ZNF513: variants seen among roughly 807,000 people sequenced by gnomAD.
The protein encoded by ZNF513 is zinc finger protein 513.
Under a neutral mutation model 39.7 loss-of-function variants are expected in ZNF513, and 16 were observed. The ratio of observed to expected loss-of-function variants is 0.40; its 90% CI spans 0.27 to 0.61. The LOEUF is 0.61. Among genes scored for constraint, ZNF513 ranks in the 20% least tolerant of loss-of-function variants. ZNF513 has a pLI of 0.39. For missense variants in ZNF513, 699 were observed against 743.6 expected (o/e 0.94, Z 0.70); for synonymous variants, 348 against 296.5 (o/e 1.17, Z -1.79).
At position 27,378,293 on chromosome 2, in the gene ZNF513, C is replaced by T. The variant is rs61740138; in HGVS notation, c.878G>A (p.Arg293Gln). 1,649 of 1,600,910 alleles carry T rather than the reference C, an allele frequency of 1.0e-3. 18 individuals carry two copies. In the African/African-American group the frequency reaches 0.02, roughly 19 times the overall value. ...ASFLPDCGQL[R>Q]GEGEGLCGTG... is the part of the protein sequence containing the mutation. ...CCCGCAGAGGCCCTCCCCTTCACCC[C>T]GCAGCTGCCCACAGTCTGGCAGGAA... Residue 293 changes from arginine (R) to glutamine (Q), a missense_variant, in exon 4 of 4, where the codon CGG becomes CAG. Physicochemically the swap from Arg to Gln is conservative, Grantham distance 43. Around this residue, in one of 3 missense-constraint regions of ZNF513, gnomAD observed 530 missense variants for 499.3 expected, o/e 1.06. Transcript: ENST00000323703. The surrounding 1 kb of genome is among the most constrained non-coding windows in gnomAD (Gnocchi z 8.0).
Position 27,380,466 on chromosome 2 carries a change from C to A in ZNF513, c.55+6G>T. The A allele has an allele frequency of 6.3e-7, 1 of 1,595,960 alleles. No individual in the cohort carries two copies. Among genetic ancestry groups the A allele is most frequent in the East Asian group, 2.3e-5 (1 of 44,130 alleles). Reference sequence around the variant, plus strand: ...TCCTCTCCCCTCAAGGCCCCTGACCCCTGACCTTTGACCCCCTCGCATTTC... The same window carrying A: ...TCCTCTCCCCTCAAGGCCCCTGACCACTGACCTTTGACCCCCTCGCATTTC... On this transcript the variant is annotated splice_donor_region_variant and intron_variant, in intron 1 of 3. Coordinates refer to ENST00000323703, the MANE Select transcript of ZNF513 (RefSeq NM_144631.6).
Position 27,378,972 on chromosome 2 carries a change from C to G in ZNF513, c.294G>C (p.Glu98Asp), listed in dbSNP as rs765438983. ...CCCTGGCTGGCTCCTCAACTTCACT[C>G]TCCGCACTTAGTGCCCGGCCGCCCC... Reference protein sequence around the residue: ...ESGGGRALSAESEVEEPARGP... With the variant: ...ESGGGRALSADSEVEEPARGP... The change falls in exon 3 of 4, where the codon GAG (glutamate) becomes GAC (aspartate). Residue 98 changes from glutamate (E) to aspartate (D), a missense_variant. Around this residue, in one of 3 missense-constraint regions of ZNF513, gnomAD observed 530 missense variants for 499.3 expected, o/e 1.06. Transcript: ENST00000323703. The surrounding 1 kb of genome is among the most constrained non-coding windows in gnomAD (Gnocchi z 8.0). The G allele has an allele frequency of 6.2e-7, 1 of 1,612,898 alleles. No homozygotes were observed. Among genetic ancestry groups the G allele is most frequent in the Non-Finnish European group, 8.5e-7 (1 of 1,179,840 alleles).
chr2:27,378,044 G>A lies in ZNF513; in HGVS notation c.1127C>T (p.Ala376Val). Reference sequence around the variant, plus strand: ...ACCACTGTGTGTCTTCATGTGCCGGGCCAGGTGGTTGGGATAGTGAGTGGC... The same window carrying A: ...ACCACTGTGTGTCTTCATGTGCCGGACCAGGTGGTTGGGATAGTGAGTGGC... ...PFATHYPNHL[A>V]RHMKTHSGEK... Residue 376 changes from alanine (A) to valine (V), a missense_variant, in exon 4 of 4, where the codon GCC becomes GTC. Ala to Val is a moderately conservative substitution (Grantham distance 64). Around this residue, in one of 3 missense-constraint regions of ZNF513, gnomAD observed 98 missense variants for 180.2 expected, o/e 0.54. Transcript: ENST00000323703. The surrounding 1 kb of genome is among the most constrained non-coding windows in gnomAD (Gnocchi z 8.0). 1.9e-6 allele frequency: 3 copies of A among 1,610,804 alleles called. No homozygotes were observed. The highest frequency in any genetic ancestry group is 2.5e-6 in the Non-Finnish European group (3 of 1,177,538).
chr2:27,380,607 CTTCCT>C lies in ZNF513; in HGVS notation c.-86_-82del. 1 of 1,532,202 alleles carries C rather than the reference CTTCCT, an allele frequency of 6.5e-7. No individual in the cohort carries two copies. The highest frequency in any genetic ancestry group is 8.8e-7 in the Non-Finnish European group (1 of 1,137,358). The allele number at this position is 1,532,202 out of a possible 1,614,324, so 94.9% of individuals were successfully genotyped here. A position where few individuals can be genotyped will look rare whatever the true frequency, so the allele number is the denominator to read the frequency against. ...TCCTATCTCGGCCCGCCTGTCTGCC[CTTCCT>C]CTCAGGGCCCGCGGGCCGCCCCCAT... is the stretch of plus-strand genomic sequence containing the variant. On this transcript the variant is annotated 5_prime_UTR_variant, in exon 1 of 4. Transcript: ENST00000323703.
Position 27,378,144 on chromosome 2 carries a change from C to G in ZNF513, c.1027G>C (p.Glu343Gln), listed in dbSNP as rs1683431923. The G allele has an allele frequency of 1.2e-6, 2 of 1,613,760 alleles. No homozygotes were observed. Among genetic ancestry groups the G allele is most frequent in the Non-Finnish European group, 1.7e-6 (2 of 1,179,874 alleles). ...CCCCCACTGGCACCCCCTCCAGCCT[C>G]TCCTCGCATGCAGCGCCCACACATG... ...AAMCGRCMRG[E>Q]AGGGASGGPQ... Residue 343 changes from glutamate to glutamine, a missense_variant, in exon 4 of 4, where the codon GAG becomes CAG. Glu to Gln is a conservative substitution (Grantham distance 29, BLOSUM62 2). This residue lies in a region of ZNF513 where 530 missense variants were observed against 499.3 expected (regional missense o/e 1.06). Transcript: ENST00000323703. This position sits in a 1 kb window ranked among gnomAD's most constrained non-coding sequence, Gnocchi z 8.0.
rs750315048 is a variant in ZNF513 at position 27,378,505 on chromosome 2, G to A, written c.761C>T (p.Pro254Leu). ...CTPRPARPPS[P>L]TEQEGAVPRR... ...GGGCACCGCCCCCTCCTGCTCTGTG[G>A]GACTGGGAGGCCGGGCTGGTCGTGG... The change falls in exon 3 of 4, where the codon CCC becomes CTC. Residue 254 changes from proline (P) to leucine (L), a missense_variant. By Grantham distance (98) the Pro-to-Leu change is moderately conservative. This residue lies in a region of ZNF513 where 530 missense variants were observed against 499.3 expected (regional missense o/e 1.06). Coordinates refer to ENST00000323703, the MANE Select transcript of ZNF513 (RefSeq NM_144631.6). The surrounding 1 kb of genome is among the most constrained non-coding windows in gnomAD (Gnocchi z 8.0). 3 of 1,614,022 alleles carry A rather than the reference G, an allele frequency of 1.9e-6. No homozygotes were observed. The highest frequency in any genetic ancestry group is 1.3e-5 in the African/African-American group (1 of 74,940).
rs889547694 is a variant in ZNF513 at position 27,378,535 on chromosome 2, C to G, written c.731G>C (p.Cys244Ser). 6.2e-7 allele frequency: 1 copy of G among 1,614,010 alleles called. No individual in the cohort carries two copies. ...PPCPTCGFRC[C>S]TPRPARPPSP... ...GGGAGGCCGGGCTGGTCGTGGAGTA[C>G]AGCAGCGGAAGCCACAGGTCGGGCA... The change falls in exon 3 of 4, where the codon TGT becomes TCT. Residue 244 changes from cysteine to serine, a missense_variant. Physicochemically the swap from Cys to Ser is moderately radical, Grantham distance 112. Around this residue, in one of 3 missense-constraint regions of ZNF513, gnomAD observed 530 missense variants for 499.3 expected, o/e 1.06. Transcript: ENST00000323703. The surrounding 1 kb of genome is among the most constrained non-coding windows in gnomAD (Gnocchi z 8.0).
Position 27,378,555 on chromosome 2 carries a change from C to G in ZNF513, c.711G>C (p.Pro237=), listed in dbSNP as rs762047764. ...GAGTACAGCAGCGGAAGCCACAGGT[C>G]GGGCAGGGAGGAGTGGGGGGCCCTG... ...THAGPPTPPC[P]TCGFRCCTPR... is the part of the protein sequence containing the mutation. Residue 237 remains proline, a synonymous_variant, in exon 3 of 4, where the codon CCG becomes CCC. Transcript: ENST00000323703. The surrounding 1 kb of genome is among the most constrained non-coding windows in gnomAD (Gnocchi z 8.0). The G allele has an allele frequency of 2.5e-6, 4 of 1,613,860 alleles. No homozygotes were observed. Among genetic ancestry groups the G allele is most frequent in the Non-Finnish European group, 3.4e-6 (4 of 1,180,022 alleles).
In ZNF513 at chr2:27,377,446, A is replaced by G; in HGVS notation, c.*99T>C. 1 of 1,366,644 alleles carries G rather than the reference A, an allele frequency of 7.3e-7. No individual in the cohort carries two copies. Among genetic ancestry groups the G allele is most frequent in the Non-Finnish European group, 1.0e-6 (1 of 973,538 alleles). 84.7% of individuals were successfully genotyped at this position (1,366,644 alleles called of 1,614,324 possible). On this transcript the variant is annotated 3_prime_UTR_variant, in exon 4 of 4. Transcript: ENST00000323703. The surrounding 1 kb of genome is among the most constrained non-coding windows in gnomAD (Gnocchi z 4.4). ...CGCCCATGGGGTTGGGCTGGTCCTT[A>G]TAGTGCCTACGTTAGTCTGTGTGGA...
In ZNF513 at chr2:27,377,462, T is replaced by A. The variant is rs1334620304; in HGVS notation, c.*83A>T. 2 of 1,471,318 alleles carry A rather than the reference T, an allele frequency of 1.4e-6. No individual in the cohort carries two copies. Among genetic ancestry groups the A allele is most frequent in the East Asian group, 4.6e-5 (2 of 43,904 alleles). The allele number at this position is 1,471,318 out of a possible 1,614,324, so 91.1% of individuals were successfully genotyped here. On this transcript the variant is annotated 3_prime_UTR_variant, in exon 4 of 4. Transcript: ENST00000323703. This position sits in a 1 kb window ranked among gnomAD's most constrained non-coding sequence, Gnocchi z 4.4. Reference sequence around the variant, plus strand: ...CTGGTCCTTATAGTGCCTACGTTAGTCTGTGTGGAGCCCCTGGCCAGCGGG... The same window carrying A: ...CTGGTCCTTATAGTGCCTACGTTAGACTGTGTGGAGCCCCTGGCCAGCGGG...
At position 27,377,863 on chromosome 2, in the gene ZNF513, G is replaced by A. The variant is rs1683407709; in HGVS notation, c.1308C>T (p.Arg436=). The A allele has an allele frequency of 6.2e-7, 1 of 1,614,220 alleles. No individual in the cohort carries two copies. Among genetic ancestry groups the A allele is most frequent in the Non-Finnish European group, 8.5e-7 (1 of 1,180,042 alleles). ...GNLANLKRHG[R]IHSGDKPFRC... ...GAAAAGGTTTGTCACCAGAGTGGATGCGACCATGACGCTTGAGGTTGGCCA... is the reference window on the plus strand; with the variant it reads ...GAAAAGGTTTGTCACCAGAGTGGATACGACCATGACGCTTGAGGTTGGCCA... The change falls in exon 4 of 4, where the codon CGC becomes CGT. Residue 436 remains arginine (R), a synonymous_variant. Coordinates refer to ENST00000323703, the MANE Select transcript of ZNF513 (RefSeq NM_144631.6). This position sits in a 1 kb window ranked among gnomAD's most constrained non-coding sequence, Gnocchi z 4.4.
intron 2 of ZNF513, among the ~76,000 whole-genome samples, chr2:27,379,471 A>G (rs1683520517): frequency 6.6e-6 from 1 of 152,190 alleles, no homozygotes; most frequent in Non-Finnish European, 1.5e-5. Flanking sequence ...AATAAAACCT[A>G]TCTCTGAGGC....
chr2:27,377,767 G>A lies in ZNF513; in HGVS notation c.1404C>T (p.Gly468=), dbSNP rs184119144. Residue 468 remains glycine (G), a synonymous_variant, in exon 4 of 4, where the codon GGC becomes GGT. Transcript: ENST00000323703. This position sits in a 1 kb window ranked among gnomAD's most constrained non-coding sequence, Gnocchi z 4.4. ...NLKRHMLRHT[G]EKPFRCATCA... ...AGGTGGCACAGCGGAAGGGCTTCTCGCCTGTGTGCCGCAGCATGTGACGTT... is the reference window on the plus strand; with the variant it reads ...AGGTGGCACAGCGGAAGGGCTTCTCACCTGTGTGCCGCAGCATGTGACGTT... The A allele has an allele frequency of 4.4e-5, 71 of 1,612,542 alleles. No homozygotes were observed. The Admixed American group carries it at 6.0e-4, about 14-fold the overall frequency.
chr2:27,379,170 C>T, intron 2 of ZNF513, 116 bp from the exon 3 acceptor site: 1 of 931,124 alleles, frequency 1.1e-6, no homozygotes, highest in Non-Finnish European at 1.7e-6. Flanking sequence ...CTTTGATGAT[C>T]CCTTTAGTTC....
rs1387446245 is a variant in ZNF513 at position 27,380,696 on chromosome 2, C to A, written c.-170G>T. 1.9e-5 allele frequency: 22 copies of A among 1,166,084 alleles called. No homozygotes were observed. The highest frequency in any genetic ancestry group is 2.2e-5 in the Non-Finnish European group (20 of 928,348). The allele number at this position is 1,166,084 out of a possible 1,614,324, so 72.2% of individuals were successfully genotyped here. A position where few individuals can be genotyped will look rare whatever the true frequency, so the allele number is the denominator to read the frequency against. On this transcript the variant is annotated 5_prime_UTR_variant, in exon 1 of 4. Transcript: ENST00000323703. Reference sequence around the variant, plus strand: ...TGGCCCCGGCGCCCAGCTCAGGCCGCTCCCGCCGCCGCCGCCGCTTCCATT... The same window carrying A: ...TGGCCCCGGCGCCCAGCTCAGGCCGATCCCGCCGCCGCCGCCGCTTCCATT...
chr2:27,380,193 A>C lies in ZNF513; in HGVS notation c.111T>G (p.Asp37Glu). 1 of 1,613,746 alleles carries C rather than the reference A, an allele frequency of 6.2e-7. No individual in the cohort carries two copies. Among genetic ancestry groups the C allele is most frequent in the Non-Finnish European group, 8.5e-7 (1 of 1,179,932 alleles). Residue 37 changes from aspartate (D) to glutamate (E), a missense_variant, in exon 2 of 4, where the codon GAT becomes GAG. Around this residue, in one of 3 missense-constraint regions of ZNF513, gnomAD observed 530 missense variants for 499.3 expected, o/e 1.06. Coordinates refer to ENST00000323703, the MANE Select transcript of ZNF513 (RefSeq NM_144631.6). ...ACTCCAGATCCTGGCCTAGTAGCAA[A>C]TCACTCTCCAATACCAGGGCCCCGG... ...EGPGALVLES[D>E]LLLGQDLEFE...
In ZNF513 at chr2:27,379,034, G is replaced by A; in HGVS notation, c.232C>T (p.Pro78Ser). 6.2e-7 allele frequency: 1 copy of A among 1,612,970 alleles called. No homozygotes were observed. The highest frequency in any genetic ancestry group is 8.5e-7 in the Non-Finnish European group (1 of 1,179,974). The change falls in exon 3 of 4, where the codon CCT becomes TCT. Residue 78 changes from proline to serine, a missense_variant. Physicochemically the swap from Pro to Ser is moderately conservative, Grantham distance 74. Around this residue, in one of 3 missense-constraint regions of ZNF513, gnomAD observed 530 missense variants for 499.3 expected, o/e 1.06. Transcript: ENST00000323703. ...TCGCTCAGCCCATAGGGAAGCCCAG[G>A]CCTGGCCCCCAGAGAGTCTCCTGGT... ...DSEGDSLGAR[P>S]GLPYGLSDDE...
In ZNF513 at chr2:27,380,567, G is replaced by T. The variant is rs1481022319; in HGVS notation, c.-41C>A. Reference sequence around the variant, plus strand: ...CCCGACGCGCCTCCGGCCTGCGGCCGCCCGACCCCGCCCCTCCTATCTCGG... The same window carrying T: ...CCCGACGCGCCTCCGGCCTGCGGCCTCCCGACCCCGCCCCTCCTATCTCGG... On this transcript the variant is annotated 5_prime_UTR_variant, in exon 1 of 4. Coordinates refer to ENST00000323703, the MANE Select transcript of ZNF513 (RefSeq NM_144631.6). The T allele has an allele frequency of 6.5e-7, 1 of 1,532,728 alleles. No homozygotes were observed. The highest frequency in any genetic ancestry group is 2.5e-5 in the East Asian group (1 of 40,702). The allele number at this position is 1,532,728 out of a possible 1,614,324, so 94.9% of individuals were successfully genotyped here. A position where few individuals can be genotyped will look rare whatever the true frequency, so the allele number is the denominator to read the frequency against.
Position 27,380,623 on chromosome 2 carries a change from G to A in ZNF513, c.-97C>T. ...CTGTCTGCCCTTCCTCTCAGGGCCC[G>A]CGGGCCGCCCCCATGCAGCGGCGCG... On this transcript the variant is annotated 5_prime_UTR_variant, in exon 1 of 4. Coordinates refer to ENST00000323703, the MANE Select transcript of ZNF513 (RefSeq NM_144631.6). 6.7e-7 allele frequency: 1 copy of A among 1,490,606 alleles called. No individual in the cohort carries two copies. Among genetic ancestry groups the A allele is most frequent in the East Asian group, 2.7e-5 (1 of 37,588 alleles). The allele number at this position is 1,490,606 out of a possible 1,614,324, so 92.3% of individuals were successfully genotyped here. A position where few individuals can be genotyped will look rare whatever the true frequency, so the allele number is the denominator to read the frequency against.
Sources: gnomAD v4.1 joint callset for allele counts (sites outside exome capture counted in the v4.1 genomes callset) on GRCh38, gnomAD v4.1.1 for gene constraint, gnomAD v4.1.1 regional missense constraint, Gnocchi (gnomAD v3.1) non-coding constraint, MANE v1.5 for transcripts, NCBI Gene and HGNC (gene_info 2026-07-23, HGNC 2026-07-21) for gene names.